TRIOBP: variants seen among roughly 807,000 people sequenced by gnomAD.
The protein encoded by TRIOBP is TRIO and F-actin binding protein, also known as TRIO and F-actin-binding protein.
Under a neutral mutation model 238.8 loss-of-function variants are expected in TRIOBP, and 169 were observed. The ratio of observed to expected loss-of-function variants is 0.71; its 90% CI spans 0.62 to 0.80. The LOEUF (loss-of-function observed/expected upper bound fraction) is 0.80. Among genes scored for constraint, TRIOBP ranks in the 30% least tolerant of loss-of-function variants. TRIOBP has a pLI of 0.00. For missense variants in TRIOBP, 2,838 were observed against 3,122.6 expected (o/e 0.91, Z 2.17); for synonymous variants, 1,150 against 1,274.4 (o/e 0.90, Z 2.08).
Position 37,768,095 on chromosome 22 carries a change from C to T in TRIOBP, c.6494C>T (p.Ala2165Val), listed in dbSNP as rs1443724727. 2 of 1,613,226 alleles carry T rather than the reference C, an allele frequency of 1.2e-6. No homozygotes were observed. Among genetic ancestry groups the T allele is most frequent in the South Asian group, 2.2e-5 (2 of 90,826 alleles). The part of the protein sequence containing the change: ...TASAIEAMKK[A>V]YQEELSRELS... The stretch of plus-strand genomic sequence containing the variant: ...CCAGCCATTGAAGCCATGAAGAAGG[C>T]CTACCAGGAAGAGCTGAGCCGAGAG... The change falls in exon 19 of 24, where the codon GCC (alanine) becomes GTC (valine). Residue 2165 changes from alanine to valine, a missense_variant. Physicochemically the swap from Ala to Val is moderately conservative, Grantham distance 64 (BLOSUM62 0). Transcript: ENST00000644935.
chr22:37,711,578 C>CAAAAAAAAAAAAAAA (rs1185976077), intron 4 of TRIOBP, among the ~76,000 whole-genome samples: 1 of 18,038 alleles, frequency 5.5e-5, no homozygotes, highest in Non-Finnish European at 1.2e-4. Flanking sequence ...GGCTCCGTCT[C>CAAAAAAAAAAAAAAA]AAAAAAAAAA....
rs753963920 is a variant in TRIOBP, at chr22:37,733,318, C to T, written c.3968C>T (p.Ala1323Val). The change falls in exon 8 of 24, where the codon GCC becomes GTC. Residue 1323 changes from alanine (A) to valine (V), a missense_variant. Physicochemically the swap from Ala to Val is moderately conservative, Grantham distance 64. Transcript: ENST00000644935. ...QERRKSEAAG[A>V]FQAQDEGRSQ... ...CATAGGAAGTCCGAGGCAGCGGGGG[C>T]CTTCCAGGCCCAGGACGAGGGACGG... The T allele has an allele frequency of 3.2e-6, 5 of 1,550,932 alleles. No individual in the cohort carries two copies. The East Asian group carries it at 7.3e-5, about 23-fold the overall frequency.
chr22:37,718,201 C>T (rs1386308424), intron 6 of TRIOBP, among the ~76,000 whole-genome samples: 1 of 152,230 alleles, frequency 6.6e-6, no homozygotes, highest in African/African-American at 2.4e-5. Flanking sequence ...CGCGCAGCCT[C>T]GGTTCCCGCT....
chr22:37,767,304 C>A (rs545063141), intron 18 of TRIOBP, among the ~76,000 whole-genome samples: 119 of 140,598 alleles, frequency 8.5e-4, no homozygotes, highest in African/African-American at 1.2e-3. Flanking sequence ...GACTCTGTCT[C>A]AAAAAAAAAA....
chr22:37,765,244 C>T (rs987371661), intron 17 of TRIOBP, among the ~76,000 whole-genome samples: 5 of 152,144 alleles, frequency 3.3e-5, no homozygotes, highest in African/African-American at 1.2e-4. Flanking sequence ...TGCTCCACTG[C>T]ACTCCAGCCT....
At chr22:37,738,981 A>G (rs1253642166) in intron 10 of TRIOBP, among the ~76,000 whole-genome samples, 3 of 152,098 alleles carry the variant, frequency 2.0e-5, no homozygotes, top group Admixed American at 6.5e-5. Flanking sequence ...GAAAAGGTCA[A>G]TGTCTTTCCC....
In TRIOBP at chr22:37,723,213, A is replaced by T; in HGVS notation, c.657A>T (p.Gly219=). 6.2e-7 allele frequency: 1 copy of T among 1,613,896 alleles called. No homozygotes were observed. Among genetic ancestry groups the T allele is most frequent in the Non-Finnish European group, 8.5e-7 (1 of 1,179,894 alleles). Residue 219 remains glycine (G), a synonymous_variant, in exon 7 of 24, where the codon GGA becomes GGT. Coordinates refer to ENST00000644935, the MANE Select transcript of TRIOBP (RefSeq NM_001039141.3). Reference sequence around the variant, plus strand: ...CCGGCGGTGGGGGCCGGAGCGCAGGACAGCACTGGGCAAGGCTCCGGGGAG... The same window carrying T: ...CCGGCGGTGGGGGCCGGAGCGCAGGTCAGCACTGGGCAAGGCTCCGGGGAG... ...EDTGGGGRSA[G]QHWARLRGES... is the part of the protein sequence containing the mutation.
At chr22:37,720,962 A>G (rs1338915674) in intron 6 of TRIOBP, among the ~76,000 whole-genome samples, 2 of 151,708 alleles carry the variant, frequency 1.3e-5, no homozygotes, top group Admixed American at 6.6e-5. Context: ...GGTTCAAGCA[A>G]TTCTCCAGCC....
At chr22:37,758,692 A>G (rs73168256) in intron 16 of TRIOBP, among the ~76,000 whole-genome samples, 15 of 149,710 alleles carry the variant, frequency 1.0e-4, no homozygotes, top group African/African-American at 2.5e-4. Flanking sequence ...TAAAAAAAAA[A>G]AAGAAGAAGA....
At position 37,725,692 on chromosome 22, in the gene TRIOBP, G is replaced by C. The variant is rs771454615; in HGVS notation, c.3136G>C (p.Ala1046Pro). The change falls in exon 7 of 24, where the codon GCC becomes CCC. Residue 1046 changes from alanine to proline, a missense_variant. Physicochemically the swap from Ala to Pro is conservative, Grantham distance 27. This residue lies in a region of TRIOBP where 2,096 missense variants were observed against 2,137.4 expected (regional missense o/e 0.98). Coordinates refer to ENST00000644935, the MANE Select transcript of TRIOBP (RefSeq NM_001039141.3). ...DPFPFFPEPRAPESEPPHHEP... is the reference protein window; with the variant it reads ...DPFPFFPEPRPPESEPPHHEP... ...CTTCCCCTTCTTCCCAGAGCCCCGCGCCCCTGAGAGTGAACCGCCCCACCA... is the reference window on the plus strand; with the variant it reads ...CTTCCCCTTCTTCCCAGAGCCCCGCCCCCCTGAGAGTGAACCGCCCCACCA... 1.2e-6 allele frequency: 2 copies of C among 1,602,618 alleles called. No homozygotes were observed. The highest frequency in any genetic ancestry group is 1.7e-6 in the Non-Finnish European group (2 of 1,175,562).
At position 37,769,011 on chromosome 22, in the gene TRIOBP, C is replaced by T. The variant is rs1345791370; in HGVS notation, c.6576-17C>T. ...GCAAGACAACCTATGCTCTCCTCTG[C>T]TCCTCCTCTGGGGCAGGTCAGATGT... On this transcript the variant is annotated splice_polypyrimidine_tract_variant and intron_variant, in intron 19 of 23. Coordinates refer to ENST00000644935, the MANE Select transcript of TRIOBP (RefSeq NM_001039141.3). The T allele has an allele frequency of 2.0e-5, 32 of 1,613,132 alleles. No individual in the cohort carries two copies. Among genetic ancestry groups the T allele is most frequent in the Non-Finnish European group, 2.6e-5 (31 of 1,180,016 alleles).
At chr22:37,772,408 C>A (rs565795706) in intron 22 of TRIOBP, among the ~76,000 whole-genome samples, 193 bp from the exon 23 acceptor site, 2 of 152,196 alleles carry the variant, frequency 1.3e-5, no homozygotes, top group East Asian at 3.9e-4. Flanking sequence ...ATGACAATGA[C>A]GCCTGTGTCC....
Position 37,735,405 on chromosome 22 carries a change from G to C in TRIOBP, c.5069G>C (p.Arg1690Thr), listed in dbSNP as rs541014665. 1.3e-6 allele frequency: 2 copies of C among 1,591,208 alleles called. No homozygotes were observed. Among genetic ancestry groups the C allele is most frequent in the Non-Finnish European group, 1.7e-6 (2 of 1,169,284 alleles). Reference protein sequence around the residue: ...GLEQTGPLGSRSTAKGPSLPE... With the variant: ...GLEQTGPLGSTSTAKGPSLPE... The stretch of plus-strand genomic sequence containing the variant: ...GAGCAGACGGGCCCCCTGGGGAGCA[G>C]GAGCACTGCGAAGGGCCCCAGCTTG... The change falls in exon 9 of 24, where the codon AGG (arginine) becomes ACG (threonine). Residue 1690 changes from arginine (R) to threonine (T), a missense_variant. This residue lies in a region of TRIOBP where 2,096 missense variants were observed against 2,137.4 expected (regional missense o/e 0.98). Transcript: ENST00000644935.
chr22:37,734,438 C>A lies in TRIOBP; in HGVS notation c.4102C>A (p.Arg1368=). Residue 1368 remains arginine, a synonymous_variant, in exon 9 of 24, where the codon CGG becomes AGG. Coordinates refer to ENST00000644935, the MANE Select transcript of TRIOBP (RefSeq NM_001039141.3). ...LPAKQAELTR[R]SQAEPPHPWS... Reference sequence around the variant, plus strand: ...TGCCAAACAGGCAGAACTGACCCGGCGGAGCCAAGCAGAGCCCCCTCATCC... The same window carrying A: ...TGCCAAACAGGCAGAACTGACCCGGAGGAGCCAAGCAGAGCCCCCTCATCC... The A allele has an allele frequency of 6.2e-7, 1 of 1,613,234 alleles. No individual in the cohort carries two copies.
intron 8 of TRIOBP, 48 bp downstream of exon 8, chr22:37,733,460 C>A (rs1394724955): frequency 7.1e-7 from 1 of 1,407,130 alleles, no homozygotes; most frequent in Non-Finnish European, 9.8e-7. Context: ...GGGGCGGCCA[C>A]TGCCTCTTCC....
intron 12 of TRIOBP, among the ~76,000 whole-genome samples, chr22:37,754,624 G>C (rs889847890): frequency 6.6e-6 from 1 of 152,084 alleles, no homozygotes; most frequent in Non-Finnish European, 1.5e-5. Context: ...CACTGGGTCC[G>C]GGGTGCCTGA....
At chr22:37,755,273 T>A in intron 14 of TRIOBP, 83 bp downstream of exon 14, 1 of 1,385,734 alleles carries the variant, frequency 7.2e-7, no homozygotes, top group Non-Finnish European at 1.0e-6. Context: ...TGAACATGGC[T>A]CACCATGGAG....
At chr22:37,765,558 AC>A in intron 17 of TRIOBP, 111 bp from the exon 18 acceptor site, 1 of 1,420,334 alleles carries the variant, frequency 7.0e-7, no homozygotes, top group South Asian at 1.2e-5. Flanking sequence ...AGGTGCTGGG[AC>A]CCAGGAGGAG....
At chr22:37,759,699 G>A (rs1263094344) in intron 17 of TRIOBP, 2 of 1,502,620 alleles carry the variant, frequency 1.3e-6, no homozygotes, top group Admixed American at 2.1e-5. Context: ...GAGGTCTGCA[G>A]GACAGGGGAG....
Sources: gnomAD v4.1 joint callset for allele counts (sites outside exome capture counted in the v4.1 genomes callset) on GRCh38, gnomAD v4.1.1 for gene constraint, gnomAD v4.1.1 regional missense constraint, MANE v1.5 for transcripts, NCBI Gene and HGNC (gene_info 2026-07-23, HGNC 2026-07-21) for gene names.